The following FNDC3B variants were observed in gnomAD, a reference collection of about 807,000 sequenced individuals.
FNDC3B encodes fibronectin type III domain-containing protein 3B.
FNDC3B carries 12 observed loss-of-function variants against 151.5 expected under a neutral mutation model. The ratio of observed to expected loss-of-function variants is 0.08; its 90% CI spans 0.05 to 0.13. FNDC3B has a LOEUF of 0.13. FNDC3B is among the 10% of genes least tolerant of loss of function. The pLI, the probability that FNDC3B is intolerant of heterozygous loss-of-function variation, is 1.00. For missense variants in FNDC3B, 1,214 were observed against 1,505.3 expected, an observed-to-expected ratio of 0.81 and a Z score of 3.20; for synonymous variants, 528 against 549.0, an observed-to-expected ratio of 0.96 and a Z score of 0.54.
chr3:172,239,856 C>T (rs796836426), intron 4 of FNDC3B, among the ~76,000 whole-genome samples: 1,597 of 49,636 alleles, frequency 0.032, 69 homozygotes, highest in African/African-American at 0.1. Context: ...CATTTTAGTT[C>T]TTTTTTTTTT....
intron 3 of FNDC3B, among the ~76,000 whole-genome samples, chr3:172,205,177 C>T (rs976198959): frequency 3.3e-5 from 5 of 151,918 alleles, no homozygotes; most frequent in Admixed American, 1.3e-4. Context: ...TACCATCCCC[C>T]GCCCAGGCTA....
chr3:172,048,124 C>T (rs1353760489), intron 1 of FNDC3B, among the ~76,000 whole-genome samples: 3 of 152,084 alleles, frequency 2.0e-5, no homozygotes, highest in Non-Finnish European at 2.9e-5. Flanking sequence ...GGATATTTTA[C>T]GTTTTATACT....
At chr3:172,252,850 T>C (rs1576841512) in intron 6 of FNDC3B, among the ~76,000 whole-genome samples, 1 of 152,156 alleles carries the variant, frequency 6.6e-6, no homozygotes, top group African/African-American at 2.4e-5. Flanking sequence ...TAAATCAATA[T>C]CATACAAAAG....
At chr3:172,061,316 T>C (rs927794944) in intron 1 of FNDC3B, among the ~76,000 whole-genome samples, 2 of 151,246 alleles carry the variant, frequency 1.3e-5, no homozygotes, top group Non-Finnish European at 2.9e-5. Flanking sequence ...CACTGCAAGC[T>C]CCGCCTCCCG....
intron 3 of FNDC3B, among the ~76,000 whole-genome samples, chr3:172,204,436 A>G (rs1286975491): frequency 6.6e-6 from 1 of 152,182 alleles, no homozygotes; most frequent in Non-Finnish European, 1.5e-5. Context: ...AGCAAAATAG[A>G]ACTCTGAGTT....
At chr3:172,084,277 T>C (rs1199482769) in intron 1 of FNDC3B, among the ~76,000 whole-genome samples, 1 of 151,944 alleles carries the variant, frequency 6.6e-6, no homozygotes, top group Non-Finnish European at 1.5e-5. Flanking sequence ...TGCAAAACCC[T>C]GTCTCTACAA....
intron 3 of FNDC3B, among the ~76,000 whole-genome samples, chr3:172,174,718 T>C (rs1222970188): frequency 6.6e-6 from 1 of 152,100 alleles, no homozygotes; most frequent in Non-Finnish European, 1.5e-5. Flanking sequence ...AAAGGCATGG[T>C]GAAATTTCTT....
intron 6 of FNDC3B, among the ~76,000 whole-genome samples, chr3:172,277,086 G>T (rs562191462): frequency 2.2e-4 from 33 of 152,274 alleles, no homozygotes; most frequent in African/African-American, 6.0e-4. Context: ...AGTTTTGGGG[G>T]TGAAATGTCA....
In FNDC3B at chr3:172,246,690, A is replaced by G. The variant is rs139498441; in HGVS notation, c.265-843A>G. Among the ~76,000 whole-genome samples the G allele has an allele frequency of 2.9e-3, 448 of 152,314 alleles. 4 individuals carry two copies. Among genetic ancestry groups the G allele is most frequent in the African/African-American group, 0.01 (435 of 41,566 alleles). ...TGACTTGAGGCCAGTTCAAGGCTGT[A>G]GTGTATGATGATCACACCTGCGTGT... On this transcript the variant is annotated intron_variant, in intron 4 of 25. Transcript: ENST00000415807.
Position 172,251,509 on chromosome 3 carries a change from G to A in FNDC3B, c.758G>A (p.Ser253Asn), listed in dbSNP as rs1214850602. ...GIKKTERRAR[S>N]SPKSNDSDLQ... Reference sequence around the variant, plus strand: ...AAGAAAACAGAGCGACGAGCAAGAAGCAGCCCAAAGTCGAATGATTCAGAC... The same window carrying A: ...AAGAAAACAGAGCGACGAGCAAGAAACAGCCCAAAGTCGAATGATTCAGAC... Residue 253 changes from serine to asparagine, a missense_variant, in exon 6 of 26, where the codon AGC becomes AAC. This residue lies in a region of FNDC3B where 166 missense variants were observed against 173.2 expected (regional missense o/e 0.96). Transcript: ENST00000415807. 3 of 1,613,784 alleles carry A rather than the reference G, an allele frequency of 1.9e-6. No individual in the cohort carries two copies. Among genetic ancestry groups the A allele is most frequent in the Admixed American group, 1.7e-5 (1 of 60,010 alleles).
chr3:172,341,014 T>C (rs1457014149), intron 16 of FNDC3B, 99 bp from the exon 17 acceptor site: 1 of 788,020 alleles, frequency 1.3e-6, no homozygotes, highest in Non-Finnish European at 2.2e-6. Flanking sequence ...AAGAAGATGT[T>C]GGTTTTCATG....
intron 15 of FNDC3B, 68 bp from the exon 16 acceptor site, chr3:172,337,262 C>A: frequency 9.3e-7 from 1 of 1,075,834 alleles, no homozygotes; most frequent in Non-Finnish European, 1.4e-6. Flanking sequence ...TTTTATGAGT[C>A]CTGATGATGT....
intron 3 of FNDC3B, among the ~76,000 whole-genome samples, chr3:172,187,906 C>T (rs1004642478): frequency 7.9e-5 from 12 of 152,212 alleles, no homozygotes; most frequent in African/African-American, 1.4e-4. Flanking sequence ...AGATATAAGC[C>T]GCGGCCCAGC....
At chr3:172,320,519 T>C (rs1732030190) in intron 11 of FNDC3B, among the ~76,000 whole-genome samples, 1 of 152,226 alleles carries the variant, frequency 6.6e-6, no homozygotes, top group Admixed American at 6.5e-5. Flanking sequence ...TGGCCATTCT[T>C]AATCTTGTGC....
At chr3:172,128,386 C>T (rs1347537242) in intron 2 of FNDC3B, among the ~76,000 whole-genome samples, 1 of 152,206 alleles carries the variant, frequency 6.6e-6, no homozygotes, top group Non-Finnish European at 1.5e-5. Context: ...CATCGCTTCC[C>T]TTTTCCTGAT....
intron 1 of FNDC3B, among the ~76,000 whole-genome samples, chr3:172,072,897 G>A (rs1717847456): frequency 6.6e-6 from 1 of 152,126 alleles, no homozygotes; most frequent in African/African-American, 2.4e-5. Context: ...CTTATGATGT[G>A]CTTTCATCTA....
At chr3:172,120,568 G>C (rs77812058) in intron 2 of FNDC3B, among the ~76,000 whole-genome samples, 1 of 136,216 alleles carries the variant, frequency 7.3e-6, no homozygotes, top group Admixed American at 7.0e-5. Flanking sequence ...ATACAGGCAT[G>C]GGGGGGGGTG....
At position 172,338,902 on chromosome 3, in the gene FNDC3B, A is replaced by AAT. The variant is rs1560087504; in HGVS notation, c.1852+1501_1852+1502insAT. Reference sequence around the variant, plus strand: ...CAGACGCCCACCACTAGGCCGGCTAATTTTTTTTGAATTTTTAGTAGAGAC... The same window carrying AAT: ...CAGACGCCCACCACTAGGCCGGCTAAATTTTTTTTTGAATTTTTAGTAGAGAC... On this transcript the variant is annotated intron_variant, in intron 16 of 25. Transcript: ENST00000415807. Among the ~76,000 whole-genome samples the AAT allele has an allele frequency of 5.9e-5, 9 of 151,758 alleles. 1 individual carries two copies. The East Asian group carries it at 1.8e-3, about 30-fold the overall frequency.
intron 6 of FNDC3B, among the ~76,000 whole-genome samples, chr3:172,265,191 C>T (rs1728861064): frequency 6.6e-6 from 1 of 152,166 alleles, no homozygotes; most frequent in South Asian, 2.1e-4. Context: ...ATTTTACATG[C>T]TTCAACTTAA....
Sources: allele counts gnomAD v4.1 joint callset (sites outside exome capture counted in the v4.1 genomes callset), GRCh38; gene constraint gnomAD v4.1.1; regional missense constraint gnomAD v4.1.1; transcripts MANE v1.5; gene names NCBI Gene and HGNC (gene_info 2026-07-23, HGNC 2026-07-21).